DLG2: variants seen among roughly 807,000 people sequenced by gnomAD.
DLG2 encodes discs large MAGUK scaffold protein 2, also known as disks large homolog 2.
Under a neutral mutation model 132.5 loss-of-function variants are expected in DLG2, and 45 were observed. The ratio of observed to expected loss-of-function variants is 0.34; its 90% CI spans 0.27 to 0.44. The LOEUF is 0.44. DLG2 is among the 20% of genes least tolerant of loss of function. DLG2 has a pLI of 1.00. For missense variants in DLG2, 1,045 were observed against 1,196.9 expected, an observed-to-expected ratio of 0.87 and a Z score of 1.87; for synonymous variants, 424 against 419.6, an observed-to-expected ratio of 1.01 and a Z score of -0.13.
intron 6 of DLG2, among the ~76,000 whole-genome samples, chr11:84,981,526 T>C (rs1436224245): frequency 6.6e-6 from 1 of 152,128 alleles, no homozygotes. Context: ...TGGAGGTCTA[T>C]AGGCTCCCAT....
chr11:83,881,387 A>G (rs1231338075), intron 15 of DLG2, among the ~76,000 whole-genome samples: 1 of 152,180 alleles, frequency 6.6e-6, no homozygotes, highest in Non-Finnish European at 1.5e-5. Flanking sequence ...ACCGATTTTG[A>G]TCTAGATTTT....
At chr11:85,331,269 C>T (rs556946742) in intron 3 of DLG2, among the ~76,000 whole-genome samples, 43 of 152,126 alleles carry the variant, frequency 2.8e-4, no homozygotes, top group African/African-American at 9.6e-4. Context: ...TAAATAGACG[C>T]CCTATAAAAA....
chr11:83,928,072 G>A (rs979017391), intron 15 of DLG2, among the ~76,000 whole-genome samples: 2 of 151,964 alleles, frequency 1.3e-5, no homozygotes, highest in Middle Eastern at 3.2e-3. Flanking sequence ...AGCTGTCTGT[G>A]TGTTTTTGTG....
chr11:84,771,159 G>C lies in DLG2; in HGVS notation c.358-236428C>G, dbSNP rs565660511. On this transcript the variant is annotated intron_variant, in intron 6 of 27. Coordinates refer to ENST00000376104, the MANE Select transcript of DLG2 (RefSeq NM_001142699.3). ...CAGTCGTGGGATTGCTGGGTCAAAT[G>C]GCATTTCTGTCTTTAGGACTTTGAG... 2.6e-5 allele frequency among the ~76,000 whole-genome samples: 4 copies of C among 152,260 alleles called. No individual in the cohort carries two copies. In the South Asian group the frequency reaches 8.3e-4, roughly 32 times the overall value.
intron 6 of DLG2, among the ~76,000 whole-genome samples, chr11:84,956,408 G>A: frequency 6.6e-6 from 1 of 152,152 alleles, no homozygotes. Context: ...TCACAGTCCT[G>A]CCACAAGAGA....
At chr11:84,465,766 A>G (rs1175524793) in intron 7 of DLG2, among the ~76,000 whole-genome samples, 1 of 151,324 alleles carries the variant, frequency 6.6e-6, no homozygotes, top group East Asian at 1.9e-4. Context: ...CCTCTCTGAC[A>G]TAAATAGCAG....
intron 6 of DLG2, among the ~76,000 whole-genome samples, chr11:84,758,950 T>A (rs899146481): frequency 6.6e-6 from 1 of 152,136 alleles, no homozygotes; most frequent in African/African-American, 2.4e-5. Context: ...GGATCTCAGC[T>A]CACTGAAACC....
intron 6 of DLG2, among the ~76,000 whole-genome samples, chr11:84,593,119 CAAA>C (rs750800070): frequency 1.7e-5 from 2 of 115,650 alleles, no homozygotes; most frequent in Admixed American, 8.7e-5. Context: ...ACTCCATCTC[CAAA>C]AAAAAAAAAA....
intron 21 of DLG2, among the ~76,000 whole-genome samples, chr11:83,487,942 G>T (rs973863372): frequency 1.3e-5 from 2 of 151,894 alleles, no homozygotes; most frequent in East Asian, 3.9e-4. Context: ...ATTGGGAAGT[G>T]GCAGCCAAGG....
At position 84,007,038 on chromosome 11, in the gene DLG2, C is replaced by G. The variant is rs571625916; in HGVS notation, c.920-26396G>C. ...GTCAAGTGGGCATTATTAGTAGAAG[C>G]TAACTTTACTACCTCACTCGATCAC... On this transcript the variant is annotated intron_variant, in intron 11 of 27. Transcript: ENST00000376104. 2.6e-5 allele frequency among the ~76,000 whole-genome samples: 4 copies of G among 151,820 alleles called. No homozygotes were observed. In the South Asian group the frequency reaches 8.3e-4, roughly 31 times the overall value.
At chr11:83,994,918 C>T (rs2093942267) in intron 11 of DLG2, among the ~76,000 whole-genome samples, 1 of 152,002 alleles carries the variant, frequency 6.6e-6, no homozygotes, top group Non-Finnish European at 1.5e-5. Context: ...GATGCATCAT[C>T]CCGATCTCAG....
intron 15 of DLG2, among the ~76,000 whole-genome samples, chr11:83,920,360 G>A (rs910483673): frequency 2.2e-4 from 34 of 151,974 alleles, no homozygotes; most frequent in African/African-American, 8.2e-4. Flanking sequence ...TCTTCTCTGA[G>A]AGGCAGATTT....
chr11:83,494,568 T>A (rs1364928430), intron 21 of DLG2, among the ~76,000 whole-genome samples: 8 of 151,276 alleles, frequency 5.3e-5, no homozygotes, highest in Non-Finnish European at 1.0e-4. Flanking sequence ...TTTTTTTTTT[T>A]ACACAATATC....
At chr11:84,328,010 T>G (rs1015947786) in intron 7 of DLG2, among the ~76,000 whole-genome samples, 4 of 152,168 alleles carry the variant, frequency 2.6e-5, no homozygotes, top group African/African-American at 7.2e-5. Context: ...CTGGGTGTAT[T>G]GTTTCCAAGT....
intron 6 of DLG2, among the ~76,000 whole-genome samples, chr11:84,881,019 C>T (rs188725582): frequency 2.4e-4 from 37 of 151,980 alleles, no homozygotes; most frequent in Non-Finnish European, 3.7e-4. Flanking sequence ...AATAATTATA[C>T]GAGGAATGTG....
At chr11:85,599,599 A>AAT (rs1281503351) in intron 2 of DLG2, among the ~76,000 whole-genome samples, 2 of 152,166 alleles carry the variant, frequency 1.3e-5, no homozygotes, top group African/African-American at 4.8e-5. Flanking sequence ...ATGATTAGAC[A>AAT]ATATATGCAC....
At chr11:84,425,780 T>C (rs926861314) in intron 7 of DLG2, among the ~76,000 whole-genome samples, 24 of 152,244 alleles carry the variant, frequency 1.6e-4, no homozygotes, top group African/African-American at 5.8e-4. Context: ...TGAAGATATT[T>C]GCCTCTGAAG....
At chr11:83,693,499 C>T (rs1437989261) in intron 18 of DLG2, among the ~76,000 whole-genome samples, 1 of 89,778 alleles carries the variant, frequency 1.1e-5, no homozygotes, top group Non-Finnish European at 2.2e-5. Context: ...GTGCCTGCTG[C>T]TCCACCCTTC....
intron 6 of DLG2, among the ~76,000 whole-genome samples, chr11:84,639,165 TC>T (rs2099647502): frequency 6.6e-6 from 1 of 152,194 alleles, no homozygotes; most frequent in African/African-American, 2.4e-5. Context: ...GATAATAGGA[TC>T]CCAGACTCTA....
Sources: allele counts gnomAD v4.1 joint callset (sites outside exome capture counted in the v4.1 genomes callset), GRCh38; gene constraint gnomAD v4.1.1; transcripts MANE v1.5; gene names NCBI Gene and HGNC (gene_info 2026-07-23, HGNC 2026-07-21).